The following CAPN9 variants were observed in gnomAD, a reference collection of about 807,000 sequenced individuals.
The protein encoded by CAPN9 is calpain 9.
CAPN9 carries 81 observed loss-of-function variants against 92.8 expected under a neutral mutation model. That is an observed-to-expected ratio of 0.87 (90% CI 0.73 to 1.05). The LOEUF (loss-of-function observed/expected upper bound fraction) is 1.05, where lower values mean the gene tolerates loss of function less well. CAPN9 is among the 50% of genes least tolerant of loss of function. The probability of loss-of-function intolerance (pLI) is 0.00; values close to 1 mark genes in which losing one functional copy is unlikely to be tolerated. For missense variants in CAPN9, 848 were observed against 866.2 expected (o/e 0.98, Z 0.26); for synonymous variants, 304 against 328.0 (o/e 0.93, Z 0.79).
At chr1:230,754,639 C>CAAA (rs58791351) in intron 1 of CAPN9, among the ~76,000 whole-genome samples, 1 of 124,554 alleles carries the variant, frequency 8.0e-6, no homozygotes, top group Non-Finnish European at 1.7e-5. Flanking sequence ...CCCATCTCCA[C>CAAA]AAAAAAAAAA....
At chr1:230,798,431 G>C (rs754450420) in intron 19 of CAPN9, among the ~76,000 whole-genome samples, 4 of 152,198 alleles carry the variant, frequency 2.6e-5, no homozygotes, top group Non-Finnish European at 4.4e-5. Context: ...AGTACCAATA[G>C]TATCCCCATT....
At chr1:230,754,810 G>C (rs1665120838) in intron 1 of CAPN9, among the ~76,000 whole-genome samples, 1 of 152,134 alleles carries the variant, frequency 6.6e-6, no homozygotes, top group Admixed American at 6.5e-5. Context: ...GCAAGATTCT[G>C]TCTCTAAACC....
intron 13 of CAPN9, among the ~76,000 whole-genome samples, chr1:230,787,924 T>G (rs1278947057): frequency 3.3e-5 from 5 of 152,318 alleles, no homozygotes; most frequent in East Asian, 1.9e-4. Flanking sequence ...GGTATAAGCC[T>G]AGCTCACTGC....
At chr1:230,794,670 G>A (rs1435015373) in intron 17 of CAPN9, among the ~76,000 whole-genome samples, 6 of 152,094 alleles carry the variant, frequency 3.9e-5, no homozygotes, top group African/African-American at 1.4e-4. Context: ...TGTAGGAATG[G>A]GCCCTGGCAG....
chr1:230,760,783 G>T (rs1054387126), intron 3 of CAPN9, among the ~76,000 whole-genome samples: 6 of 152,212 alleles, frequency 3.9e-5, no homozygotes, highest in Admixed American at 2.0e-4. Context: ...TCTTTCCCCA[G>T]TCCTCTTAAA....
rs28359587 is a variant in CAPN9, at chr1:230,748,109, C to A, written c.213+400C>A. Among the ~76,000 whole-genome samples, 58 of 152,316 alleles carry A rather than the reference C, an allele frequency of 3.8e-4. 1 individual carries two copies. In the East Asian group the frequency reaches 6.2e-3, roughly 16 times the overall value. On this transcript the variant is annotated intron_variant, in intron 1 of 19. Coordinates refer to ENST00000271971, the MANE Select transcript of CAPN9 (RefSeq NM_006615.3). Reference sequence around the variant, plus strand: ...GTGTTCTGTGGCTTCTGGCCCAGAGCTGAGGGTGCTCAGTGTGGATGGATG... The same window carrying A: ...GTGTTCTGTGGCTTCTGGCCCAGAGATGAGGGTGCTCAGTGTGGATGGATG...
chr1:230,798,570 C>A (rs932026066), intron 19 of CAPN9, among the ~76,000 whole-genome samples: 1 of 152,136 alleles, frequency 6.6e-6, no homozygotes, highest in Non-Finnish European at 1.5e-5. Flanking sequence ...TTCCAGCTGC[C>A]AGTTTGCTCA....
intron 4 of CAPN9, among the ~76,000 whole-genome samples, chr1:230,767,110 C>T (rs1451839800): frequency 6.6e-6 from 1 of 152,202 alleles, no homozygotes; most frequent in Admixed American, 6.5e-5. Flanking sequence ...TCTCTATCCA[C>T]ATAGCCAGGC....
At chr1:230,775,594 C>A (rs1406573437) in intron 8 of CAPN9, among the ~76,000 whole-genome samples, 1 of 152,126 alleles carries the variant, frequency 6.6e-6, no homozygotes, top group East Asian at 1.9e-4. Flanking sequence ...TCAAGTCTTG[C>A]CTGAGCTCAT....
At chr1:230,795,910 C>T (rs1233893891) in intron 18 of CAPN9, among the ~76,000 whole-genome samples, 1 of 151,862 alleles carries the variant, frequency 6.6e-6, no homozygotes, top group African/African-American at 2.4e-5. Context: ...AATGTTCTGG[C>T]GTTTCCATCT....
At chr1:230,762,441 T>C (rs975252127) in intron 3 of CAPN9, among the ~76,000 whole-genome samples, 9 of 152,224 alleles carry the variant, frequency 5.9e-5, no homozygotes, top group African/African-American at 2.2e-4. Flanking sequence ...TTTCAGCTGA[T>C]GTCAATGGTT....
rs537115232 is a variant in CAPN9, at chr1:230,800,271, A to T, written c.2047-1299A>T. Among the ~76,000 whole-genome samples the T allele has an allele frequency of 9.6e-4, 130 of 135,768 alleles. 4 individuals are homozygous for T. Among genetic ancestry groups the T allele is most frequent in the Middle Eastern group, 3.9e-3 (1 of 258 alleles). 89.1% of individuals were successfully genotyped at this position (135,768 alleles called of 152,430 possible). ...GAAAGAAAGAAAGAAAGAAAGAAAGAAAGAAAGAAAGAAAGAAAGAAAGAA... is the reference window on the plus strand; with the variant it reads ...GAAAGAAAGAAAGAAAGAAAGAAAGTAAGAAAGAAAGAAAGAAAGAAAGAA... On this transcript the variant is annotated intron_variant, in intron 19 of 19. Coordinates refer to ENST00000271971, the MANE Select transcript of CAPN9 (RefSeq NM_006615.3).
At position 230,772,087 on chromosome 1, in the gene CAPN9, C is replaced by T. The variant is rs561870258; in HGVS notation, c.863C>T (p.Ser288Leu). 6 of 1,614,134 alleles carry T rather than the reference C, an allele frequency of 3.7e-6. No homozygotes were observed. The highest frequency in any genetic ancestry group is 2.7e-5 in the African/African-American group (2 of 75,062). The change falls in exon 7 of 20, where the codon TCG becomes TTG. Residue 288 changes from serine to leucine, a missense_variant. Physicochemically the swap from Ser to Leu is moderately radical, Grantham distance 145 (BLOSUM62 -2). Transcript: ENST00000271971. Reference protein sequence around the residue: ...NPWGQVEWNGSWSDSSPEWRS... With the variant: ...NPWGQVEWNGLWSDSSPEWRS... ...TGGGGCCAGGTTGAGTGGAACGGGT[C>T]GTGGAGCGACAGGTCAGTCACCCTA... is the stretch of plus-strand genomic sequence containing the variant.
chr1:230,790,118 C>T lies in CAPN9; in HGVS notation c.1600-14C>T, dbSNP rs750509850. On this transcript the variant is annotated splice_polypyrimidine_tract_variant and intron_variant, in intron 13 of 19. Transcript: ENST00000271971. ...GCCAAGGGCTATAACAAACAATTGT[C>T]TCCACTTCAACAGGACATGGAGGTG... 6.8e-6 allele frequency: 11 copies of T among 1,606,864 alleles called. No individual in the cohort carries two copies. In the South Asian group the frequency reaches 9.9e-5, roughly 14 times the overall value.
intron 6 of CAPN9, among the ~76,000 whole-genome samples, chr1:230,771,297 T>C (rs1417953052): frequency 1.3e-5 from 2 of 152,224 alleles, no homozygotes; most frequent in African/African-American, 2.4e-5. Context: ...TGCTACAGTT[T>C]CTGGTTAGTT....
At chr1:230,747,849 AGC>A in intron 1 of CAPN9, 140 bp downstream of exon 1, 1 of 769,924 alleles carries the variant, frequency 1.3e-6, no homozygotes, top group Non-Finnish European at 2.2e-6. Flanking sequence ...TACCGTGGAA[AGC>A]TTTGCAGTTT....
chr1:230,754,736 G>A (rs1172095484), intron 1 of CAPN9, among the ~76,000 whole-genome samples: 1 of 152,048 alleles, frequency 6.6e-6, no homozygotes, highest in African/African-American at 2.4e-5. Flanking sequence ...GATTGCTTGA[G>A]CCCAGAAGGT....
chr1:230,791,341 A>G (rs1476879794), intron 14 of CAPN9, among the ~76,000 whole-genome samples: 1 of 152,300 alleles, frequency 6.6e-6, no homozygotes, highest in East Asian at 1.9e-4. Flanking sequence ...GCTTAACTCT[A>G]TGTTTAATGT....
At position 230,801,799 on chromosome 1, in the gene CAPN9, C is replaced by G; in HGVS notation, c.*203C>G. 1 of 617,066 alleles carries G rather than the reference C, an allele frequency of 1.6e-6. No homozygotes were observed. Among genetic ancestry groups the G allele is most frequent in the African/African-American group, 1.8e-5 (1 of 54,874 alleles). 38.2% of individuals were successfully genotyped at this position (617,066 alleles called of 1,614,324 possible). A position where few individuals can be genotyped will look rare whatever the true frequency, so the allele number is the denominator to read the frequency against. ...TTTGTGCTACTCCTTTGTAAAGTCA[C>G]TGCCTTAAGGGGGCTGATGGCGCCA... is the stretch of plus-strand genomic sequence containing the variant. On this transcript the variant is annotated 3_prime_UTR_variant, in exon 20 of 20. Coordinates refer to ENST00000271971, the MANE Select transcript of CAPN9 (RefSeq NM_006615.3).
Sources: gnomAD v4.1 joint callset for allele counts (sites outside exome capture counted in the v4.1 genomes callset) on GRCh38, gnomAD v4.1.1 for gene constraint, MANE v1.5 for transcripts, NCBI Gene and HGNC (gene_info 2026-07-23, HGNC 2026-07-21) for gene names.